The following CDH18 variants were observed in gnomAD, a reference collection of about 807,000 sequenced individuals.
CDH18 encodes the protein cadherin 18, also known as cadherin-18.
In CDH18, 31 loss-of-function variants were observed where a neutral mutation model predicts 67.9. The observed-to-expected ratio is 0.46, with a 90% CI of 0.34 to 0.62. The LOEUF is 0.62. Among genes scored for constraint, CDH18 ranks in the 20% least tolerant of loss-of-function variants. The probability of loss-of-function intolerance (pLI) is 0.01; values close to 1 mark genes in which losing one functional copy is unlikely to be tolerated. For synonymous variants in CDH18, 362 were observed against 347.2 expected, an observed-to-expected ratio of 1.04 and a Z score of -0.48; for missense variants, 890 against 975.5, an observed-to-expected ratio of 0.91 and a Z score of 1.17.
intron 1 of CDH18, among the ~76,000 whole-genome samples, chr5:20,497,904 T>G (rs2126421449): frequency 6.6e-6 from 1 of 152,166 alleles, no homozygotes; most frequent in Admixed American, 6.6e-5. Flanking sequence ...GTGAGGTAAT[T>G]AGATCATGAG....
At chr5:20,198,777 C>G (rs1267322200) in intron 2 of CDH18, among the ~76,000 whole-genome samples, 1 of 152,150 alleles carries the variant, frequency 6.6e-6, no homozygotes, top group African/African-American at 2.4e-5. Context: ...CTGGGCCTGG[C>G]CCAGGGCCCG....
At chr5:19,518,764 G>T (rs1171257245) in intron 10 of CDH18, among the ~76,000 whole-genome samples, 1 of 152,088 alleles carries the variant, frequency 6.6e-6, no homozygotes, top group African/African-American at 2.4e-5. Flanking sequence ...ACTCAGACTG[G>T]CTTCCTTGCT....
chr5:19,666,918 A>G (rs1758036072), intron 5 of CDH18, among the ~76,000 whole-genome samples: 1 of 152,116 alleles, frequency 6.6e-6, no homozygotes, highest in South Asian at 2.1e-4. Context: ...ATATATAAAG[A>G]GGACAAATGT....
At chr5:19,941,293 G>A (rs1219242066) in intron 2 of CDH18, among the ~76,000 whole-genome samples, 3 of 152,086 alleles carry the variant, frequency 2.0e-5, no homozygotes, top group African/African-American at 7.2e-5. Context: ...CTAAAACTGT[G>A]AGAAATGAAT....
intron 6 of CDH18, among the ~76,000 whole-genome samples, chr5:19,593,756 C>CTT (rs1745713207): frequency 5.0e-5 from 6 of 120,252 alleles, no homozygotes; most frequent in African/African-American, 6.1e-5. Flanking sequence ...TCTTCTTCTT[C>CTT]TTCTTTCCTT....
chr5:19,882,121 C>A lies in CDH18; in HGVS notation c.-256-42879G>T, dbSNP rs146428067. On this transcript the variant is annotated intron_variant, in intron 2 of 12. Transcript: ENST00000382275. ...CCATTAGTATTCTGTGTTCAAAAAT[C>A]ATCTGTGCAACTCATAATACATGTC... Among the ~76,000 whole-genome samples, 879 of 151,902 alleles carry A rather than the reference C, an allele frequency of 5.8e-3. 12 individuals are homozygous for A. Among genetic ancestry groups the A allele is most frequent in the African/African-American group, 0.02 (835 of 41,534 alleles).
chr5:19,540,173 T>G (rs1221290863), intron 9 of CDH18, among the ~76,000 whole-genome samples: 1 of 152,086 alleles, frequency 6.6e-6, no homozygotes, highest in Non-Finnish European at 1.5e-5. Flanking sequence ...ACAGGTCCCA[T>G]GCAAGTCTGA....
chr5:19,856,097 GAAAGA>G (rs1784249422), intron 2 of CDH18, among the ~76,000 whole-genome samples: 1 of 152,164 alleles, frequency 6.6e-6, no homozygotes, highest in Non-Finnish European at 1.5e-5. Flanking sequence ...TTTCTCAAAA[GAAAGA>G]GCAATAAAAA....
intron 1 of CDH18, among the ~76,000 whole-genome samples, chr5:20,267,506 T>C (rs1745130677): frequency 6.6e-6 from 1 of 152,190 alleles, no homozygotes; most frequent in South Asian, 2.1e-4. Flanking sequence ...TTGTATTGAA[T>C]CTATAGATTG....
At chr5:19,868,769 A>G (rs2150010934) in intron 2 of CDH18, among the ~76,000 whole-genome samples, 1 of 152,266 alleles carries the variant, frequency 6.6e-6, no homozygotes, top group Non-Finnish European at 1.5e-5. Context: ...GAGTTCAAAA[A>G]ATAGCATAAA....
chr5:19,896,227 T>TG (rs1156910911), intron 2 of CDH18, among the ~76,000 whole-genome samples: 6 of 151,906 alleles, frequency 3.9e-5, no homozygotes, highest in African/African-American at 1.5e-4. Flanking sequence ...GGCATGGTGG[T>TG]GGCAGCCTGT....
chr5:20,124,763 C>T (rs145640352), intron 2 of CDH18, among the ~76,000 whole-genome samples: 236 of 152,196 alleles, frequency 1.6e-3, no homozygotes, highest in African/African-American at 5.5e-3. Context: ...TATCCTCTGC[C>T]ATATAGATAG....
chr5:20,271,205 G>A (rs1212882278), intron 1 of CDH18, among the ~76,000 whole-genome samples: 1 of 151,938 alleles, frequency 6.6e-6, no homozygotes, highest in Non-Finnish European at 1.5e-5. Context: ...TTTTTTCACT[G>A]GATTTGGAGA....
At chr5:20,182,539 T>C (rs1737769576) in intron 2 of CDH18, among the ~76,000 whole-genome samples, 1 of 146,334 alleles carries the variant, frequency 6.8e-6, no homozygotes, top group African/African-American at 2.6e-5. Context: ...AAGGCAGAGG[T>C]TGCAGTGAGC....
At chr5:20,143,770 C>T (rs1286837873) in intron 2 of CDH18, among the ~76,000 whole-genome samples, 1 of 152,092 alleles carries the variant, frequency 6.6e-6, no homozygotes, top group East Asian at 1.9e-4. Flanking sequence ...AGATCAATTG[C>T]TAAGCAAGAA....
At chr5:20,421,431 G>C (rs941482026) in intron 1 of CDH18, among the ~76,000 whole-genome samples, 1 of 150,490 alleles carries the variant, frequency 6.6e-6, no homozygotes, top group African/African-American at 2.5e-5. Flanking sequence ...TGTAACTGTT[G>C]GGTGTCAATC....
intron 1 of CDH18, among the ~76,000 whole-genome samples, chr5:20,485,319 CAT>C (rs1328622334): frequency 2.0e-5 from 3 of 152,102 alleles, no homozygotes; most frequent in South Asian, 2.1e-4. Context: ...TTGAAGATGA[CAT>C]GTGTGTAATG....
intron 1 of CDH18, among the ~76,000 whole-genome samples, chr5:20,280,548 TA>T (rs1746175427): frequency 6.6e-6 from 1 of 152,224 alleles, no homozygotes; most frequent in African/African-American, 2.4e-5. Flanking sequence ...CATCATTTTT[TA>T]TGGCTGCATA....
chr5:20,230,998 T>G (rs1742024704), intron 2 of CDH18, among the ~76,000 whole-genome samples: 1 of 152,204 alleles, frequency 6.6e-6, no homozygotes, highest in South Asian at 2.1e-4. Context: ...GCAAGAAGTC[T>G]GTCATACAGG....
Sources: allele counts gnomAD v4.1 joint callset (sites outside exome capture counted in the v4.1 genomes callset), GRCh38; gene constraint gnomAD v4.1.1; transcripts MANE v1.5; gene names NCBI Gene and HGNC (gene_info 2026-07-23, HGNC 2026-07-21).